MORC1: variants seen among roughly 807,000 people sequenced by gnomAD.
MORC1 encodes MORC family CW-type zinc finger 1.
In MORC1, 59 loss-of-function variants were observed where a neutral mutation model predicts 134.9. The ratio of observed to expected loss-of-function variants is 0.44; its 90% CI spans 0.35 to 0.54. MORC1 has a LOEUF of 0.54. MORC1 is among the 20% of genes least tolerant of loss of function. MORC1 has a pLI of 0.00. For synonymous variants in MORC1, 395 were observed against 391.7 expected (o/e 1.01, Z -0.10); for missense variants, 947 against 1,134.5 (o/e 0.83, Z 2.37).
intron 21 of MORC1, among the ~76,000 whole-genome samples, chr3:108,991,357 G>C (rs908641613): frequency 2.0e-5 from 3 of 152,158 alleles, no homozygotes; most frequent in Admixed American, 2.0e-4. Flanking sequence ...TATGTTCTAT[G>C]TTTAAAGGTT....
At chr3:109,080,904 G>A (rs1950508181) in intron 8 of MORC1, among the ~76,000 whole-genome samples, 1 of 152,144 alleles carries the variant, frequency 6.6e-6, no homozygotes, top group Non-Finnish European at 1.5e-5. Context: ...ACAGAACCAT[G>A]TATGATAAAA....
At chr3:109,032,553 G>A (rs111976984) in intron 16 of MORC1, among the ~76,000 whole-genome samples, 167 bp downstream of exon 16, 174 of 152,210 alleles carry the variant, frequency 1.1e-3, no homozygotes, top group African/African-American at 4.0e-3. Flanking sequence ...GGAAAAGCAC[G>A]CCAATGAAAT....
intron 14 of MORC1, among the ~76,000 whole-genome samples, chr3:109,040,996 C>G (rs1033237267): frequency 2.0e-5 from 3 of 151,580 alleles, no homozygotes; most frequent in East Asian, 1.9e-4. Flanking sequence ...TAGAGGGATA[C>G]AGAGTCAGAT....
intron 8 of MORC1, among the ~76,000 whole-genome samples, chr3:109,083,860 G>A (rs554176468): frequency 3.3e-5 from 5 of 152,230 alleles, no homozygotes; most frequent in African/African-American, 7.2e-5. Flanking sequence ...TTGAACATAT[G>A]CAAATAAATA....
At chr3:109,091,482 A>T (rs575102661) in intron 8 of MORC1, among the ~76,000 whole-genome samples, 46 of 105,982 alleles carry the variant, frequency 4.3e-4, no homozygotes, top group African/African-American at 1.4e-3. Flanking sequence ...AATAAATAAA[A>T]AGTATGTTCT....
intron 9 of MORC1, among the ~76,000 whole-genome samples, chr3:109,065,433 C>A (rs989628513): frequency 2.0e-5 from 3 of 152,186 alleles, no homozygotes; most frequent in African/African-American, 7.2e-5. Flanking sequence ...TGCTACCCAC[C>A]ATCCAAGATA....
Position 109,118,124 on chromosome 3 carries a change from C to A in MORC1, c.-65G>T, listed in dbSNP as rs114459974. 1.0e-5 allele frequency: 16 copies of A among 1,547,852 alleles called. No homozygotes were observed. The highest frequency in any genetic ancestry group is 1.4e-5 in the African/African-American group (1 of 73,366). ...CACCTGACCGGCAGCCGTTCGCCTG[C>A]GCCCGCGCCCACTCCCACGCCCACG... On this transcript the variant is annotated 5_prime_UTR_variant, in exon 1 of 28. Coordinates refer to ENST00000232603, the MANE Select transcript of MORC1 (RefSeq NM_014429.4).
At chr3:109,045,403 G>A (rs1259480591) in intron 14 of MORC1, among the ~76,000 whole-genome samples, 1 of 152,130 alleles carries the variant, frequency 6.6e-6, no homozygotes, top group African/African-American at 2.4e-5. Context: ...TATCATCTTT[G>A]TTCTTAATGA....
At chr3:109,085,166 G>T (rs965637226) in intron 8 of MORC1, among the ~76,000 whole-genome samples, 4 of 151,704 alleles carry the variant, frequency 2.6e-5, no homozygotes, top group Non-Finnish European at 4.4e-5. Context: ...GTCTATCTGT[G>T]TATGTGTCTG....
intron 18 of MORC1, among the ~76,000 whole-genome samples, chr3:109,006,748 T>C (rs1485465097): frequency 6.6e-6 from 1 of 152,162 alleles, no homozygotes; most frequent in Non-Finnish European, 1.5e-5. Context: ...TATATATGTA[T>C]ATATCCCTAG....
intron 8 of MORC1, among the ~76,000 whole-genome samples, chr3:109,091,484 G>C (rs954287337): frequency 9.0e-6 from 1 of 110,870 alleles, no homozygotes; most frequent in East Asian, 2.5e-4. Context: ...TAAATAAAAA[G>C]TATGTTCTAA....
At chr3:109,062,402 T>G (rs1415528155) in intron 10 of MORC1, among the ~76,000 whole-genome samples, 1 of 151,490 alleles carries the variant, frequency 6.6e-6, no homozygotes, top group East Asian at 1.9e-4. Flanking sequence ...GTAGGAGGAG[T>G]GAATATGTAG....
rs961067896 is a variant in MORC1 at position 109,071,355 on chromosome 3, A to G, written c.690-1598T>C. On this transcript the variant is annotated intron_variant, in intron 8 of 27. Coordinates refer to ENST00000232603, the MANE Select transcript of MORC1 (RefSeq NM_014429.4). Reference sequence around the variant, plus strand: ...CACATATATGTGTGTATATATATACATGAACACTAATACTTCTACCTTTTA... The same window carrying G: ...CACATATATGTGTGTATATATATACGTGAACACTAATACTTCTACCTTTTA... Among the ~76,000 whole-genome samples, 9 of 152,312 alleles carry G rather than the reference A, an allele frequency of 5.9e-5. No homozygotes were observed. The South Asian group carries it at 1.2e-3, about 21-fold the overall frequency.
At chr3:109,110,637 A>G in intron 3 of MORC1, 112 bp downstream of exon 3, 1 of 913,100 alleles carries the variant, frequency 1.1e-6, no homozygotes, top group African/African-American at 1.7e-5. Context: ...AAGCACTTAG[A>G]TTACATTAAA....
intron 22 of MORC1, among the ~76,000 whole-genome samples, chr3:108,986,034 G>T (rs530900580): frequency 1.3e-5 from 2 of 152,176 alleles, no homozygotes; most frequent in South Asian, 2.1e-4. Context: ...AAGGAAAAAC[G>T]TGCCACCAAA....
intron 23 of MORC1, among the ~76,000 whole-genome samples, chr3:108,983,879 T>C (rs1947824037): frequency 6.6e-6 from 1 of 152,082 alleles, no homozygotes; most frequent in Non-Finnish European, 1.5e-5. Flanking sequence ...GAAGATGTAA[T>C]AAAAGAGAAC....
At chr3:109,056,100 G>A (rs1020072179) in intron 13 of MORC1, among the ~76,000 whole-genome samples, 1 of 152,160 alleles carries the variant, frequency 6.6e-6, no homozygotes, top group African/African-American at 2.4e-5. Flanking sequence ...ATGCAGAGAG[G>A]GTAGGGTATT....
chr3:109,031,285 G>A (rs1949235749), intron 16 of MORC1, among the ~76,000 whole-genome samples: 2 of 152,188 alleles, frequency 1.3e-5, no homozygotes, highest in East Asian at 3.9e-4. Context: ...CTAACTATGG[G>A]GCTTAGCTGG....
chr3:109,091,372 A>G (rs929247618), intron 8 of MORC1, among the ~76,000 whole-genome samples: 4 of 152,028 alleles, frequency 2.6e-5, no homozygotes, highest in Non-Finnish European at 5.9e-5. Flanking sequence ...TGAACCCAGG[A>G]GGCAGAGGTT....
Sources: allele counts gnomAD v4.1 joint callset (sites outside exome capture counted in the v4.1 genomes callset), GRCh38; gene constraint gnomAD v4.1.1; transcripts MANE v1.5; gene names NCBI Gene and HGNC (gene_info 2026-07-23, HGNC 2026-07-21).